Variants in PARD3B observed in about 807,000 individuals in gnomAD.
PARD3B encodes par-3 family cell polarity regulator beta, also known as partitioning defective 3 homolog B.
Under a neutral mutation model 130.2 loss-of-function variants are expected in PARD3B, and 103 were observed. That is an observed-to-expected ratio of 0.79 (90% confidence interval 0.67 to 0.93). The LOEUF is 0.93. PARD3B is among the 40% of genes least tolerant of loss of function. The pLI, the probability that PARD3B is intolerant of heterozygous loss-of-function variation, is 0.00. For missense variants in PARD3B, 1,609 were observed against 1,499.2 expected (o/e 1.07, Z -1.21); for synonymous variants, 583 against 553.2 (o/e 1.05, Z -0.76).
At chr2:205,051,272 G>A (rs1476983002) in intron 4 of PARD3B, among the ~76,000 whole-genome samples, 1 of 152,028 alleles carries the variant, frequency 6.6e-6, no homozygotes, top group African/African-American at 2.4e-5. Flanking sequence ...GTGAATTCGG[G>A]GAGTGTGTGA....
chr2:205,385,144 T>G (rs2045617075), intron 18 of PARD3B, among the ~76,000 whole-genome samples: 1 of 152,166 alleles, frequency 6.6e-6, no homozygotes, highest in Admixed American at 6.6e-5. Flanking sequence ...TAATTTAGTT[T>G]GCAGGAATCC....
At chr2:204,729,582 A>G (rs899353793) in intron 2 of PARD3B, among the ~76,000 whole-genome samples, 8 of 152,202 alleles carry the variant, frequency 5.3e-5, no homozygotes, top group Admixed American at 2.0e-4. Flanking sequence ...TATCAATAAC[A>G]TATTACAACT....
intron 2 of PARD3B, among the ~76,000 whole-genome samples, chr2:204,726,680 C>G (rs1405222398): frequency 6.6e-6 from 1 of 152,166 alleles, no homozygotes; most frequent in Non-Finnish European, 1.5e-5. Flanking sequence ...AATTTCTGCA[C>G]TGGAGACTTG....
intron 3 of PARD3B, among the ~76,000 whole-genome samples, chr2:204,997,958 ATG>A (rs997431338): frequency 9.1e-6 from 1 of 109,600 alleles, no homozygotes; most frequent in Non-Finnish European, 2.0e-5. Context: ...TAGTGAGTGT[ATG>A]TGTATATATA....
At chr2:205,212,034 TA>T (rs1476674320) in intron 15 of PARD3B, among the ~76,000 whole-genome samples, 3 of 152,122 alleles carry the variant, frequency 2.0e-5, no homozygotes, top group Admixed American at 6.6e-5. Context: ...TCAGCTTTAA[TA>T]AATAAGTAGA....
At chr2:205,163,977 T>C (rs16837059) in intron 11 of PARD3B, among the ~76,000 whole-genome samples, 2,712 of 152,282 alleles carry the variant, frequency 0.018, 57 homozygotes, top group East Asian at 0.12. Flanking sequence ...CCAGATAATG[T>C]GAGAATGTCA....
At chr2:204,581,258 T>C (rs2032539229) in intron 1 of PARD3B, among the ~76,000 whole-genome samples, 1 of 152,212 alleles carries the variant, frequency 6.6e-6, no homozygotes, top group Non-Finnish European at 1.5e-5. Flanking sequence ...AGGTCTGTTC[T>C]CTCTGAGGTC....
At chr2:205,168,757 T>C (rs1042173503) in intron 11 of PARD3B, among the ~76,000 whole-genome samples, 3 of 152,158 alleles carry the variant, frequency 2.0e-5, no homozygotes, top group Admixed American at 2.0e-4. Flanking sequence ...TTTTATATTG[T>C]CTTCCCTTCC....
intron 20 of PARD3B, among the ~76,000 whole-genome samples, chr2:205,453,967 C>T (rs1039413992): frequency 2.0e-5 from 3 of 152,100 alleles, no homozygotes; most frequent in African/African-American, 7.2e-5. Context: ...GCTGACCTGC[C>T]AGATATTTCT....
At chr2:205,419,335 C>T (rs1011531156) in intron 19 of PARD3B, among the ~76,000 whole-genome samples, 1 of 152,102 alleles carries the variant, frequency 6.6e-6, no homozygotes, top group Admixed American at 6.6e-5. Context: ...TTGCCTTCGC[C>T]ATGATGTGAG....
At chr2:205,044,911 A>C (rs1012918744) in intron 3 of PARD3B, among the ~76,000 whole-genome samples, 1 of 152,150 alleles carries the variant, frequency 6.6e-6, no homozygotes, top group African/African-American at 2.4e-5. Flanking sequence ...GGGTTGTTTA[A>C]AAGTCTGAGA....
At chr2:204,765,051 T>C (rs2041083993) in intron 2 of PARD3B, among the ~76,000 whole-genome samples, 1 of 152,170 alleles carries the variant, frequency 6.6e-6, no homozygotes, top group African/African-American at 2.4e-5. Flanking sequence ...AATGGAGATT[T>C]ACCAGTGTAT....
intron 8 of PARD3B, among the ~76,000 whole-genome samples, chr2:205,123,366 C>T (rs188996134): frequency 6.6e-6 from 1 of 151,976 alleles, no homozygotes; most frequent in Non-Finnish European, 1.5e-5. Flanking sequence ...GAGGGAGGTA[C>T]ATAGTGAAGT....
chr2:204,761,064 T>G (rs1574915131), intron 2 of PARD3B, among the ~76,000 whole-genome samples: 1 of 152,192 alleles, frequency 6.6e-6, no homozygotes, highest in East Asian at 1.9e-4. Flanking sequence ...CATTTATGGC[T>G]GACAAGAGTA....
chr2:205,017,323 A>T (rs1453675042), intron 3 of PARD3B, among the ~76,000 whole-genome samples: 1 of 152,178 alleles, frequency 6.6e-6, no homozygotes, highest in Admixed American at 6.5e-5. Context: ...TATATAATTC[A>T]GTGAGCAAAA....
intron 3 of PARD3B, among the ~76,000 whole-genome samples, chr2:205,010,471 A>T (rs73054951): frequency 0.012 from 1,887 of 152,304 alleles, 32 homozygotes; most frequent in African/African-American, 0.042. Flanking sequence ...TTTCTGGTTT[A>T]GTCCCTCATT....
rs572466469 is a variant in PARD3B, at chr2:205,592,246, T to C, written c.3261-23210T>C. 6.6e-6 allele frequency among the ~76,000 whole-genome samples: 1 copy of C among 152,296 alleles called. No individual in the cohort carries two copies. The highest frequency in any genetic ancestry group is 1.9e-4 in the East Asian group (1 of 5,182). On this transcript the variant is annotated intron_variant, in intron 22 of 22. Coordinates refer to ENST00000406610, the MANE Select transcript of PARD3B (RefSeq NM_001302769.2). The surrounding 1 kb of genome is among the most constrained non-coding windows in gnomAD (Gnocchi z 4.5). Reference sequence around the variant, plus strand: ...AGCCCAGTGCTCTTGTTTACTATAGTGGGCTGAGCGTAACATCAAGGTTGA... The same window carrying C: ...AGCCCAGTGCTCTTGTTTACTATAGCGGGCTGAGCGTAACATCAAGGTTGA...
At chr2:205,029,881 C>T (rs16836873) in intron 3 of PARD3B, among the ~76,000 whole-genome samples, 1,915 of 152,242 alleles carry the variant, frequency 0.013, 35 homozygotes, top group African/African-American at 0.044. Context: ...CTTGTAATTC[C>T]TCAGAAACTT....
At chr2:204,590,931 A>G (rs994905906) in intron 1 of PARD3B, among the ~76,000 whole-genome samples, 6 of 152,334 alleles carry the variant, frequency 3.9e-5, no homozygotes, top group Non-Finnish European at 5.9e-5. Flanking sequence ...TTTTAAAGAT[A>G]GGCAGTGAGA....
Sources: gnomAD v4.1 joint callset for allele counts (sites outside exome capture counted in the v4.1 genomes callset) on GRCh38, gnomAD v4.1.1 for gene constraint, Gnocchi (gnomAD v3.1) non-coding constraint, MANE v1.5 for transcripts, NCBI Gene and HGNC (gene_info 2026-07-23, HGNC 2026-07-21) for gene names.